SNX29: variants seen among roughly 807,000 people sequenced by gnomAD.
SNX29 encodes the protein sorting nexin-29.
SNX29 carries 78 observed loss-of-function variants against 102.1 expected under a neutral mutation model. The ratio of observed to expected loss-of-function variants is 0.76; its 90% CI spans 0.64 to 0.92. The LOEUF is 0.92. Among genes scored for constraint, SNX29 ranks in the 40% least tolerant of loss-of-function variants. The pLI, the probability that SNX29 is intolerant of heterozygous loss-of-function variation, is 0.00. For synonymous variants in SNX29, 580 were observed against 414.5 expected (o/e 1.40, Z -4.85); for missense variants, 1,280 against 1,061.7 (o/e 1.21, Z -2.86).
At chr16:12,455,557 G>A (rs955111536) in intron 18 of SNX29, among the ~76,000 whole-genome samples, 2 of 152,198 alleles carry the variant, frequency 1.3e-5, no homozygotes, top group Non-Finnish European at 1.5e-5. Context: ...GTGGATCCCG[G>A]GACCTACCTG....
intron 15 of SNX29, among the ~76,000 whole-genome samples, chr16:12,326,478 G>A (rs1004632529): frequency 3.9e-5 from 6 of 152,090 alleles, no homozygotes; most frequent in Non-Finnish European, 8.8e-5. Context: ...AACATGTCCG[G>A]TGTGATGGCC....
At chr16:12,542,895 ATT>A (rs373715690) in intron 20 of SNX29, among the ~76,000 whole-genome samples, 428 of 152,242 alleles carry the variant, frequency 2.8e-3, no homozygotes, top group Non-Finnish European at 4.2e-3. Flanking sequence ...CAGAAACATG[ATT>A]TGAGTAGGGA....
chr16:12,074,189 T>C (rs1488856375), intron 10 of SNX29, among the ~76,000 whole-genome samples: 1 of 151,952 alleles, frequency 6.6e-6, no homozygotes, highest in Non-Finnish European at 1.5e-5. Flanking sequence ...AATATTGTTA[T>C]GTGTGAATTT....
chr16:12,125,458 C>T lies in SNX29; in HGVS notation c.1403-1175C>T, dbSNP rs572269205. Among the ~76,000 whole-genome samples, 23 of 151,938 alleles carry T rather than the reference C, an allele frequency of 1.5e-4. No homozygotes were observed. In the South Asian group the frequency reaches 3.3e-3, roughly 22 times the overall value. ...CCTCGTCCAAGAGGCTGGAGATGCA[C>T]GGTGTATGGGACCTGGGAGGGTAGG... is the stretch of plus-strand genomic sequence containing the variant. On this transcript the variant is annotated intron_variant, in intron 11 of 20. Transcript: ENST00000566228.
At chr16:12,529,365 T>G (rs542760118) in intron 20 of SNX29, among the ~76,000 whole-genome samples, 1 of 152,214 alleles carries the variant, frequency 6.6e-6, no homozygotes, top group East Asian at 1.9e-4. Flanking sequence ...GACGTGACAC[T>G]TTGCAGATGG....
chr16:12,059,814 A>C (rs915987817), intron 8 of SNX29, among the ~76,000 whole-genome samples: 1 of 152,222 alleles, frequency 6.6e-6, no homozygotes, highest in African/African-American at 2.4e-5. Context: ...CAAACTATAT[A>C]AGTAATGTCA....
rs977149965 is a variant in SNX29 at position 12,428,697 on chromosome 16, C to A, written c.2037+25168C>A. Among the ~76,000 whole-genome samples, 4 of 151,890 alleles carry A rather than the reference C, an allele frequency of 2.6e-5. No homozygotes were observed. In the South Asian group the frequency reaches 8.3e-4, roughly 32 times the overall value. On this transcript the variant is annotated intron_variant, in intron 18 of 20. Coordinates refer to ENST00000566228, the MANE Select transcript of SNX29 (RefSeq NM_032167.5). The stretch of plus-strand genomic sequence containing the variant: ...TCTAGTTAGTCCCACCACACAGATA[C>A]GATTGCAATTAATATCTCTTTCTAG...
chr16:12,227,916 A>G, intron 14 of SNX29, among the ~76,000 whole-genome samples: 1 of 151,148 alleles, frequency 6.6e-6, no homozygotes, highest in South Asian at 2.1e-4. Context: ...AAAAAAAAAA[A>G]AAAAAAAAAA....
intron 13 of SNX29, among the ~76,000 whole-genome samples, chr16:12,198,574 T>TG (rs1317798637): frequency 6.6e-6 from 1 of 151,590 alleles, no homozygotes; most frequent in African/African-American, 2.4e-5. Context: ...GTGTAGGGGG[T>TG]GGGGCAGAAA....
chr16:12,172,867 C>G (rs532034333), intron 13 of SNX29, among the ~76,000 whole-genome samples: 4 of 152,342 alleles, frequency 2.6e-5, no homozygotes, highest in African/African-American at 7.2e-5. Flanking sequence ...GAAATACTTT[C>G]AGCTTTGTGG....
intron 14 of SNX29, among the ~76,000 whole-genome samples, chr16:12,245,293 A>C (rs939550416): frequency 1.3e-5 from 2 of 152,166 alleles, no homozygotes; most frequent in Non-Finnish European, 2.9e-5. Flanking sequence ...AAATGGGGTA[A>C]TGAGAAGCTC....
intron 15 of SNX29, among the ~76,000 whole-genome samples, chr16:12,308,179 C>A (rs2080403973): frequency 6.6e-6 from 1 of 152,232 alleles, no homozygotes; most frequent in Non-Finnish European, 1.5e-5. Flanking sequence ...AGAGATGGCA[C>A]CTCGCTGGTG....
intron 13 of SNX29, among the ~76,000 whole-genome samples, chr16:12,187,341 T>C (rs60116536): frequency 0.022 from 3,401 of 152,182 alleles, 128 homozygotes; most frequent in African/African-American, 0.077. Context: ...GGGTAGATCG[T>C]GTGAGGCCAG....
At chr16:12,163,808 GCT>G (rs1044373500) in intron 13 of SNX29, among the ~76,000 whole-genome samples, 5 of 152,192 alleles carry the variant, frequency 3.3e-5, no homozygotes, top group African/African-American at 1.2e-4. Flanking sequence ...GCTGATGCAG[GCT>G]CTGTTTCTGG....
chr16:12,038,687 G>A (rs896580202), intron 4 of SNX29: 1 of 152,220 alleles, frequency 6.6e-6, no homozygotes, highest in Admixed American at 6.5e-5. Flanking sequence ...TTCTGTAGCA[G>A]TAAGCAATTT....
chr16:12,207,487 G>T (rs866411242), intron 14 of SNX29, among the ~76,000 whole-genome samples: 1 of 152,156 alleles, frequency 6.6e-6, no homozygotes, highest in Non-Finnish European at 1.5e-5. Context: ...GCAAGAATCC[G>T]CTGTGGGTGT....
chr16:12,287,979 A>AT (rs1421685487), intron 15 of SNX29, among the ~76,000 whole-genome samples: 5 of 152,292 alleles, frequency 3.3e-5, no homozygotes, highest in Admixed American at 2.6e-4. Flanking sequence ...AGCTATAGAT[A>AT]TTGATGTCAC....
At chr16:12,264,875 T>C (rs1212245567) in intron 14 of SNX29, among the ~76,000 whole-genome samples, 1 of 152,148 alleles carries the variant, frequency 6.6e-6, no homozygotes, top group Non-Finnish European at 1.5e-5. Context: ...AGTGTGTCCT[T>C]TGTGCTCAGA....
intron 20 of SNX29, among the ~76,000 whole-genome samples, chr16:12,562,730 G>C (rs12929953): frequency 0.19 from 29,189 of 152,088 alleles, 3,063 homozygotes; most frequent in East Asian, 0.44. Flanking sequence ...ACTGTTTCTC[G>C]CTTTTATGGC....
Sources: gnomAD v4.1 joint callset for allele counts (sites outside exome capture counted in the v4.1 genomes callset) on GRCh38, gnomAD v4.1.1 for gene constraint, MANE v1.5 for transcripts, NCBI Gene and HGNC (gene_info 2026-07-23, HGNC 2026-07-21) for gene names.